The following SLC25A21 variants were observed in gnomAD, a reference collection of about 807,000 sequenced individuals.
SLC25A21 encodes mitochondrial 2-oxodicarboxylate carrier.
SLC25A21 carries 47 observed loss-of-function variants against 43.8 expected under a neutral mutation model. The observed-to-expected ratio is 1.07, with a 90% CI of 0.85 to 1.37. The LOEUF is 1.37. Ranked by LOEUF, SLC25A21 falls within the 40% of genes most tolerant of loss-of-function variation. SLC25A21 has a pLI of 0.00. For synonymous variants in SLC25A21, 131 were observed against 121.3 expected, an observed-to-expected ratio of 1.08 and a Z score of -0.52; for missense variants, 352 against 350.2, an observed-to-expected ratio of 1.00 and a Z score of -0.04.
At chr14:36,733,856 A>C (rs1884927863) in intron 4 of SLC25A21, among the ~76,000 whole-genome samples, 1 of 152,150 alleles carries the variant, frequency 6.6e-6, no homozygotes, top group South Asian at 2.1e-4. Flanking sequence ...GCCCCTGGAC[A>C]TTCTGCTGGA....
chr14:36,787,954 G>A (rs563353033), intron 3 of SLC25A21, among the ~76,000 whole-genome samples: 44 of 152,198 alleles, frequency 2.9e-4, no homozygotes, highest in South Asian at 2.1e-4. Flanking sequence ...GGTGAAATAC[G>A]GTATAGACAC....
At chr14:36,851,685 T>C (rs1889740974) in intron 2 of SLC25A21, among the ~76,000 whole-genome samples, 3 of 152,200 alleles carry the variant, frequency 2.0e-5, no homozygotes, top group Admixed American at 2.0e-4. Context: ...AATGGCATAA[T>C]GTCTGGGTAT....
chr14:37,018,379 C>T (rs1245178965), intron 1 of SLC25A21, among the ~76,000 whole-genome samples: 1 of 152,146 alleles, frequency 6.6e-6, no homozygotes, highest in South Asian at 2.1e-4. Flanking sequence ...GGTGACAGAT[C>T]TGTTAATTAT....
At chr14:36,811,168 C>T (rs1453093969) in intron 3 of SLC25A21, among the ~76,000 whole-genome samples, 1 of 152,060 alleles carries the variant, frequency 6.6e-6, no homozygotes, top group Admixed American at 6.6e-5. Flanking sequence ...CACACCATGA[C>T]AAGAAGCTTG....
chr14:36,683,768 A>T, intron 9 of SLC25A21, 60 bp downstream of exon 9: 1 of 1,255,518 alleles, frequency 8.0e-7, no homozygotes, highest in Admixed American at 2.3e-5. Context: ...CACAAATATC[A>T]AAAAAAGAGA....
rs147697684 is a variant in SLC25A21 at position 36,959,098 on chromosome 14, T to A, written c.71-84094A>T. Among the ~76,000 whole-genome samples, 6 of 152,290 alleles carry A rather than the reference T, an allele frequency of 3.9e-5. No individual in the cohort carries two copies. The East Asian group carries it at 1.2e-3, about 29-fold the overall frequency. ...AAATGTCTTATGGAGGAGTACACAGTATGTGGCATGAATTCAAGGCTCATT... is the reference window on the plus strand; with the variant it reads ...AAATGTCTTATGGAGGAGTACACAGAATGTGGCATGAATTCAAGGCTCATT... On this transcript the variant is annotated intron_variant, in intron 1 of 9. Transcript: ENST00000331299.
At chr14:37,163,373 C>A (rs527244759) in intron 1 of SLC25A21, among the ~76,000 whole-genome samples, 1 of 151,802 alleles carries the variant, frequency 6.6e-6, no homozygotes, top group African/African-American at 2.4e-5. Context: ...TTTCTGGTAA[C>A]CCCAGCAAAT....
intron 3 of SLC25A21, among the ~76,000 whole-genome samples, chr14:36,793,024 C>G (rs879901690): frequency 6.6e-6 from 1 of 152,206 alleles, no homozygotes; most frequent in Non-Finnish European, 1.5e-5. Context: ...CCCTTACCCT[C>G]TGAAATGGCG....
At chr14:36,699,492 C>T (rs996773249) in intron 7 of SLC25A21, among the ~76,000 whole-genome samples, 8 of 152,228 alleles carry the variant, frequency 5.3e-5, no homozygotes, top group African/African-American at 1.9e-4. Context: ...AGCTGTCAGA[C>T]AGGGACATTT....
At chr14:36,948,236 A>AT (rs1268739434) in intron 1 of SLC25A21, among the ~76,000 whole-genome samples, 1 of 152,272 alleles carries the variant, frequency 6.6e-6, no homozygotes, top group South Asian at 2.1e-4. Context: ...AGTGGCTTCG[A>AT]TTTTTTTATT....
At chr14:36,903,772 A>C (rs896174065) in intron 1 of SLC25A21, among the ~76,000 whole-genome samples, 2 of 152,072 alleles carry the variant, frequency 1.3e-5, no homozygotes, top group Non-Finnish European at 2.9e-5. Context: ...AACCTGCTGG[A>C]GCTGAGTTTA....
chr14:36,678,302 A>G lies in SLC25A21; in HGVS notation c.*2356T>C. The G allele has an allele frequency of 5.4e-6, 3 of 558,504 alleles. No individual in the cohort carries two copies. The highest frequency in any genetic ancestry group is 5.5e-5 in the South Asian group (2 of 36,550). 34.6% of individuals were successfully genotyped at this position (558,504 alleles called of 1,614,324 possible). ...TTATGTTAGAGTGACTGCTTTTTTCAGACAGCAGATATCTTATAGAGAGCT... is the reference window on the plus strand; with the variant it reads ...TTATGTTAGAGTGACTGCTTTTTTCGGACAGCAGATATCTTATAGAGAGCT... On this transcript the variant is annotated 3_prime_UTR_variant, in exon 10 of 10. Transcript: ENST00000331299.
intron 3 of SLC25A21, among the ~76,000 whole-genome samples, chr14:36,794,431 C>T (rs574883390): frequency 6.6e-6 from 1 of 152,168 alleles, no homozygotes; most frequent in South Asian, 2.1e-4. Flanking sequence ...CTATGTAATG[C>T]ATCAAACATT....
chr14:36,871,105 T>A (rs973148504), intron 2 of SLC25A21, among the ~76,000 whole-genome samples: 5 of 152,006 alleles, frequency 3.3e-5, no homozygotes, highest in Admixed American at 6.5e-5. Context: ...CTGGCTATGG[T>A]CTGAATGTTT....
chr14:36,767,533 G>A (rs376774364), intron 3 of SLC25A21, among the ~76,000 whole-genome samples: 7 of 152,162 alleles, frequency 4.6e-5, no homozygotes, highest in Non-Finnish European at 1.0e-4. Context: ...GAAAGTCAGC[G>A]TAAAAGTAGA....
At chr14:36,904,411 C>T (rs1891479552) in intron 1 of SLC25A21, among the ~76,000 whole-genome samples, 1 of 152,032 alleles carries the variant, frequency 6.6e-6, no homozygotes, top group Non-Finnish European at 1.5e-5. Context: ...TTTTGCAAGC[C>T]TAATTTCTCT....
intron 1 of SLC25A21, among the ~76,000 whole-genome samples, chr14:36,921,541 C>A (rs1891981591): frequency 6.6e-6 from 1 of 152,036 alleles, no homozygotes; most frequent in Non-Finnish European, 1.5e-5. Context: ...ATGGATGAAT[C>A]TCATAAATAT....
chr14:37,126,733 C>T (rs1427570278), intron 1 of SLC25A21, among the ~76,000 whole-genome samples: 1 of 152,142 alleles, frequency 6.6e-6, no homozygotes, highest in African/African-American at 2.4e-5. Context: ...TACAAAGTAG[C>T]TGCTAGGTAC....
At chr14:37,093,788 T>A (rs1463846198) in intron 1 of SLC25A21, among the ~76,000 whole-genome samples, 1 of 152,184 alleles carries the variant, frequency 6.6e-6, no homozygotes, top group Non-Finnish European at 1.5e-5. Context: ...TTAACCTGAA[T>A]TTCTCTCCAA....
Sources: gnomAD v4.1 joint callset for allele counts (sites outside exome capture counted in the v4.1 genomes callset) on GRCh38, gnomAD v4.1.1 for gene constraint, MANE v1.5 for transcripts, NCBI Gene and HGNC (gene_info 2026-07-23, HGNC 2026-07-21) for gene names.